Variants in KHDRBS3 observed in about 807,000 individuals in gnomAD.
The protein encoded by KHDRBS3 is KH RNA binding domain containing, signal transduction associated 3.
Under a neutral mutation model 45.6 loss-of-function variants are expected in KHDRBS3, and 23 were observed. That is an observed-to-expected ratio of 0.50 (90% CI 0.36 to 0.72). KHDRBS3 has a LOEUF of 0.72. Ranked by LOEUF, KHDRBS3 falls within the 30% of genes least tolerant of loss-of-function variation. KHDRBS3 has a pLI of 0.00. For synonymous variants in KHDRBS3, 162 were observed against 156.5 expected (o/e 1.04, Z -0.26); for missense variants, 352 against 424.8 (o/e 0.83, Z 1.51).
Position 135,483,142 on chromosome 8 carries a change from GA to G in KHDRBS3, c.88+25190del, listed in dbSNP as rs769689482. Among the ~76,000 whole-genome samples, 59 of 152,224 alleles carry G rather than the reference GA, an allele frequency of 3.9e-4. No homozygotes were observed. In the Middle Eastern group the frequency reaches 0.017, roughly 44 times the overall value. On this transcript the variant is annotated intron_variant, in intron 1 of 8. Transcript: ENST00000355849. ...TGCATTAAAAAGAAAGGTCAAAACTGAAGGGTTTTCTCTATCGAATTGTATT... is the reference window on the plus strand; with the variant it reads ...TGCATTAAAAAGAAAGGTCAAAACTGAGGGTTTTCTCTATCGAATTGTATT...
chr8:135,642,361 A>G (rs947299144), intron 7 of KHDRBS3, among the ~76,000 whole-genome samples: 7 of 152,208 alleles, frequency 4.6e-5, no homozygotes, highest in Admixed American at 2.0e-4. Flanking sequence ...CTATAAAAGC[A>G]TAGAGTTTTT....
intron 5 of KHDRBS3, among the ~76,000 whole-genome samples, chr8:135,564,558 A>G (rs2130860809): frequency 6.6e-6 from 1 of 152,252 alleles, no homozygotes; most frequent in Admixed American, 6.5e-5. Context: ...CTGAAACACT[A>G]AGGACATTGT....
chr8:135,548,787 T>G lies in KHDRBS3; in HGVS notation c.358T>G (p.Tyr120Asp). 6.4e-7 allele frequency: 1 copy of G among 1,569,008 alleles called. No homozygotes were observed. The highest frequency in any genetic ancestry group is 8.6e-7 in the Non-Finnish European group (1 of 1,157,894). Residue 120 changes from tyrosine (Y) to aspartate (D), a missense_variant, in exon 4 of 9, where the codon TAC becomes GAC. This residue lies in a region of KHDRBS3 where 46 missense variants were observed against 45.9 expected (regional missense o/e 1.00). Transcript: ENST00000355849. Reference protein sequence around the residue: ...EELRKSGEAKYFHLNDDLHVL... With the variant: ...EELRKSGEAKDFHLNDDLHVL... Reference sequence around the variant, plus strand: ...GTTGAGGAAAAGTGGAGAAGCGAAGTACTTCCATCTCAATGATGATCTCCA... The same window carrying G: ...GTTGAGGAAAAGTGGAGAAGCGAAGGACTTCCATCTCAATGATGATCTCCA...
At chr8:135,488,902 G>A (rs2130394597) in intron 1 of KHDRBS3, among the ~76,000 whole-genome samples, 1 of 152,280 alleles carries the variant, frequency 6.6e-6, no homozygotes, top group East Asian at 1.9e-4. Context: ...GCTGTTAAAT[G>A]TTTGTTCCCA....
intron 1 of KHDRBS3, among the ~76,000 whole-genome samples, chr8:135,518,109 G>A (rs1824712744): frequency 6.6e-6 from 1 of 152,092 alleles, no homozygotes; most frequent in African/African-American, 2.4e-5. Flanking sequence ...CTGAATTAAT[G>A]GATTTAAATA....
At chr8:135,469,385 C>T (rs1207624880) in intron 1 of KHDRBS3, among the ~76,000 whole-genome samples, 2 of 151,444 alleles carry the variant, frequency 1.3e-5, no homozygotes, top group Admixed American at 6.6e-5. Flanking sequence ...CCCAGGTTCA[C>T]GCCATTCTCC....
At chr8:135,573,180 A>G (rs1827788827) in intron 5 of KHDRBS3, among the ~76,000 whole-genome samples, 1 of 152,166 alleles carries the variant, frequency 6.6e-6, no homozygotes, top group Non-Finnish European at 1.5e-5. Context: ...GTGTTTTCCC[A>G]GGTCACCAAG....
intron 7 of KHDRBS3, among the ~76,000 whole-genome samples, chr8:135,613,057 G>A (rs1029146574): frequency 6.6e-6 from 1 of 151,750 alleles, no homozygotes; most frequent in African/African-American, 2.4e-5. Context: ...GGGTAAGCAA[G>A]ACAGCAAGAC....
chr8:135,473,824 G>C (rs117743604), intron 1 of KHDRBS3, among the ~76,000 whole-genome samples: 1,703 of 152,320 alleles, frequency 0.011, 16 homozygotes, highest in Non-Finnish European at 0.016. Context: ...CCCCTCCTCA[G>C]AAGACAGCCT....
chr8:135,630,796 T>C (rs1319528375), intron 7 of KHDRBS3, among the ~76,000 whole-genome samples: 3 of 152,146 alleles, frequency 2.0e-5, no homozygotes, highest in Non-Finnish European at 4.4e-5. Flanking sequence ...ATGGTACACC[T>C]GTATAAGGCA....
chr8:135,461,368 G>C (rs1369163132), intron 1 of KHDRBS3, among the ~76,000 whole-genome samples: 1 of 152,184 alleles, frequency 6.6e-6, no homozygotes, highest in African/African-American at 2.4e-5. Flanking sequence ...CTCCCAAAGT[G>C]CTGGGATTAC....
intron 8 of KHDRBS3, among the ~76,000 whole-genome samples, chr8:135,645,917 C>T (rs1460595507): frequency 6.6e-6 from 1 of 150,822 alleles, no homozygotes; most frequent in African/African-American, 2.4e-5. Flanking sequence ...ACGGAAAAAC[C>T]ATTTTCCGGC....
chr8:135,505,479 T>A (rs1348194692), intron 1 of KHDRBS3, among the ~76,000 whole-genome samples: 4 of 152,156 alleles, frequency 2.6e-5, no homozygotes, highest in Non-Finnish European at 5.9e-5. Flanking sequence ...TACTTTCCAC[T>A]ATACTTCAGG....
At chr8:135,592,132 T>C (rs7837960) in intron 6 of KHDRBS3, among the ~76,000 whole-genome samples, 148,014 of 152,260 alleles carry the variant, frequency 0.97, 72,075 homozygotes, top group East Asian at 1. Context: ...TATCAGGAGC[T>C]TCACAAATCA....
chr8:135,568,249 A>G (rs1247005816), intron 5 of KHDRBS3, among the ~76,000 whole-genome samples: 2 of 152,190 alleles, frequency 1.3e-5, no homozygotes, highest in Non-Finnish European at 2.9e-5. Flanking sequence ...CCATTATACA[A>G]TAAAAACTAT....
At chr8:135,648,531 T>G (rs1831366291), downstream of KHDRBS3, 1 of 152,248 alleles carries the variant, frequency 6.6e-6, no homozygotes, top group Non-Finnish European at 1.5e-5. Context: ...AGGTCTTTTC[T>G]TTTGTTAGGA....
At chr8:135,529,078 A>G (rs1421565084) in intron 2 of KHDRBS3, among the ~76,000 whole-genome samples, 1 of 152,228 alleles carries the variant, frequency 6.6e-6, no homozygotes, top group African/African-American at 2.4e-5. Flanking sequence ...TATTCATTAA[A>G]TCTTGGGCCT....
At chr8:135,515,478 T>C (rs1824543949) in intron 1 of KHDRBS3, among the ~76,000 whole-genome samples, 1 of 151,472 alleles carries the variant, frequency 6.6e-6, no homozygotes, top group Non-Finnish European at 1.5e-5. Context: ...GTTTTTGCCT[T>C]ATCAGGTCCT....
chr8:135,499,340 G>T (rs1177046743), intron 1 of KHDRBS3, among the ~76,000 whole-genome samples: 1 of 152,162 alleles, frequency 6.6e-6, no homozygotes, highest in Non-Finnish European at 1.5e-5. Flanking sequence ...GAAACAGAAT[G>T]TCAGAAATTA....
Sources: allele counts gnomAD v4.1 joint callset (sites outside exome capture counted in the v4.1 genomes callset), GRCh38; gene constraint gnomAD v4.1.1; regional missense constraint gnomAD v4.1.1; transcripts MANE v1.5; gene names NCBI Gene and HGNC (gene_info 2026-07-23, HGNC 2026-07-21).